The following ARHGAP23 variants were observed in gnomAD, a reference collection of about 807,000 sequenced individuals.
ARHGAP23 encodes the protein Rho GTPase activating protein 23.
A neutral mutation model predicts 136.3 loss-of-function variants in ARHGAP23; 34 were observed. The ratio of observed to expected loss-of-function variants is 0.25; its 90% CI spans 0.19 to 0.33. The LOEUF (loss-of-function observed/expected upper bound fraction) is 0.33, where lower values mean the gene tolerates loss of function less well. ARHGAP23 is among the 10% of genes least tolerant of loss of function. ARHGAP23 has a pLI of 1.00. For synonymous variants in ARHGAP23, 832 were observed against 920.5 expected, an observed-to-expected ratio of 0.90 and a Z score of 1.74; for missense variants, 1,808 against 2,139.0, an observed-to-expected ratio of 0.85 and a Z score of 3.05.
At position 38,510,281 on chromosome 17, in the gene ARHGAP23, CG is replaced by C; in HGVS notation, c.3788del (p.Gly1263AlafsTer20). The stretch of plus-strand genomic sequence containing the variant: ...TCCACCATGGACCGCAGCGTGTGCT[CG>C]GGCGCTAGCGGTCGGCGGGCAGGGG... ...TLSTMDRSVC[S>X]GASGRRAGAG... On this transcript the variant is annotated frameshift_variant, in exon 24 of 24. Coordinates refer to ENST00000622683, the MANE Select transcript of ARHGAP23 (RefSeq NM_001199417.2). LOFTEE classifies it high-confidence loss of function. This position sits in a 1 kb window ranked among gnomAD's most constrained non-coding sequence, Gnocchi z 4.6. The C allele has an allele frequency of 5.4e-6, 7 of 1,287,080 alleles. No individual in the cohort carries two copies. The highest frequency in any genetic ancestry group is 6.9e-6 in the Non-Finnish European group (7 of 1,017,422). The allele number at this position is 1,287,080 out of a possible 1,614,324, so 79.7% of individuals were successfully genotyped here.
chr17:38,463,464 T>G (rs967899841), intron 6 of ARHGAP23, 82 bp downstream of exon 6: 19 of 1,496,162 alleles, frequency 1.3e-5, no homozygotes, highest in Non-Finnish European at 1.5e-5. Flanking sequence ...GAGAAGGAAG[T>G]GTTTGGAGGG....
At position 38,510,681 on chromosome 17, in the gene ARHGAP23, G is replaced by C; in HGVS notation, c.4185G>C (p.Glu1395Asp). The change falls in exon 24 of 24, where the codon GAG (glutamate) becomes GAC (aspartate). Residue 1395 changes from glutamate to aspartate, a missense_variant. By Grantham distance (45) the Glu-to-Asp change is conservative. This residue lies in a region of ARHGAP23 where 506 missense variants were observed against 455.8 expected (regional missense o/e 1.11). Transcript: ENST00000622683. This position sits in a 1 kb window ranked among gnomAD's most constrained non-coding sequence, Gnocchi z 4.6. ...AVRLRRPLSPETRRRRSSWRR... is the reference protein window; with the variant it reads ...AVRLRRPLSPDTRRRRSSWRR... ...GCCTGCGGCGGCCGCTGTCGCCCGA[G>C]ACCCGGCGGCGCCGGAGCAGCTGGC... The C allele has an allele frequency of 2.8e-6, 4 of 1,411,992 alleles. No individual in the cohort carries two copies. The highest frequency in any genetic ancestry group is 3.7e-6 in the Non-Finnish European group (4 of 1,091,532). 87.5% of individuals were successfully genotyped at this position (1,411,992 alleles called of 1,614,324 possible). A position where few individuals can be genotyped will look rare whatever the true frequency, so the allele number is the denominator to read the frequency against.
Position 38,467,322 on chromosome 17 carries a change from C to A in ARHGAP23, c.1639C>A (p.Pro547Thr). The change falls in exon 7 of 24, where the codon CCC (proline) becomes ACC (threonine). Residue 547 changes from proline to threonine, a missense_variant. This residue lies in a region of ARHGAP23 where 859 missense variants were observed against 936.4 expected (regional missense o/e 0.92). Transcript: ENST00000622683. ...CACCGAAGACTCTCTGGCTTCCATC[C>A]CCTTTATTGGTGAGTGATGGTACAT... ...ATTEDSLASIPFIDEPTSPSI... is the reference protein window; with the variant it reads ...ATTEDSLASITFIDEPTSPSI... 6.8e-7 allele frequency: 1 copy of A among 1,479,352 alleles called. No individual in the cohort carries two copies. The allele number at this position is 1,479,352 out of a possible 1,614,324, so 91.6% of individuals were successfully genotyped here.
In ARHGAP23 at chr17:38,440,021, C is replaced by T. The variant is rs548944733; in HGVS notation, c.63+11473C>T. On this transcript the variant is annotated intron_variant, in intron 1 of 23. Transcript: ENST00000622683. ...GGGATTACAGGCTTGAGCTACCGAG[C>T]CCAGTCGGAACTTTTTTTTTTAGAC... Among the ~76,000 whole-genome samples the T allele has an allele frequency of 2.0e-5, 3 of 149,052 alleles. No individual in the cohort carries two copies. The East Asian group carries it at 6.0e-4, about 30-fold the overall frequency.
chr17:38,448,621 C>T (rs71384231), intron 1 of ARHGAP23, among the ~76,000 whole-genome samples: 4 of 150,514 alleles, frequency 2.7e-5, no homozygotes, highest in Admixed American at 2.7e-4. Flanking sequence ...AGCTGTGCTG[C>T]CACTGAAAGA....
At chr17:38,462,109 C>T (rs1486556853) in intron 3 of ARHGAP23, among the ~76,000 whole-genome samples, 4 of 151,920 alleles carry the variant, frequency 2.6e-5, no homozygotes, top group South Asian at 2.1e-4. Context: ...CCCGCCACCG[C>T]GCCCGGCTAA....
chr17:38,433,408 C>G (rs1217479841), intron 1 of ARHGAP23, among the ~76,000 whole-genome samples: 1 of 152,168 alleles, frequency 6.6e-6, no homozygotes, highest in Non-Finnish European at 1.5e-5. Context: ...GAACAATGCA[C>G]TTTTGCCTCA....
rs1488254129 is a variant in ARHGAP23 at position 38,463,395 on chromosome 17, C to T, written c.483+13C>T. On this transcript the variant is annotated intron_variant, in intron 6 of 23. Transcript: ENST00000622683. ...CATCCTCCAGCTGGTGAGTCCAGCC[C>T]CTGTGGCCTGAGAGGAGACCCCTGA... 5 of 1,551,538 alleles carry T rather than the reference C, an allele frequency of 3.2e-6. No homozygotes were observed. Among genetic ancestry groups the T allele is most frequent in the African/African-American group, 1.4e-5 (1 of 73,038 alleles).
At chr17:38,465,711 G>C (rs1031223465) in intron 6 of ARHGAP23, among the ~76,000 whole-genome samples, 3 of 152,074 alleles carry the variant, frequency 2.0e-5, no homozygotes, top group Admixed American at 1.3e-4. Context: ...GCTGGGCTCT[G>C]CCAGCCTCTG....
intron 6 of ARHGAP23, 29 bp downstream of exon 6, chr17:38,463,411 A>G: frequency 6.4e-7 from 1 of 1,551,448 alleles, no homozygotes; most frequent in Non-Finnish European, 8.7e-7. Context: ...GCCTGAGAGG[A>G]GACCCCTGAG....
chr17:38,467,209 T>C lies in ARHGAP23; in HGVS notation c.1526T>C (p.Met509Thr). ...GTTCAGCTGACCCCCGCAAGACAGA[T>C]GAACCTTGGATTTGGTGACGAGTCC... is the stretch of plus-strand genomic sequence containing the variant. The part of the protein sequence containing the change: ...RKVQLTPARQ[M>T]NLGFGDESPE... The change falls in exon 7 of 24, where the codon ATG (methionine) becomes ACG (threonine). Residue 509 changes from methionine to threonine, a missense_variant. Met to Thr is a moderately conservative substitution (Grantham distance 81). Around this residue, in one of 7 missense-constraint regions of ARHGAP23, gnomAD observed 859 missense variants for 936.4 expected, o/e 0.92. Transcript: ENST00000622683. 6.4e-7 allele frequency: 1 copy of C among 1,551,006 alleles called. No individual in the cohort carries two copies. The highest frequency in any genetic ancestry group is 8.7e-7 in the Non-Finnish European group (1 of 1,146,736).
chr17:38,493,696 C>A (rs560398729), intron 20 of ARHGAP23, among the ~76,000 whole-genome samples: 21 of 152,334 alleles, frequency 1.4e-4, no homozygotes, highest in African/African-American at 4.6e-4. Context: ...CAGGGCAGTG[C>A]TGCTGTCACT....
chr17:38,439,570 C>T (rs568724625), intron 1 of ARHGAP23, among the ~76,000 whole-genome samples: 239 of 152,302 alleles, frequency 1.6e-3, no homozygotes, highest in Non-Finnish European at 3.1e-3. Flanking sequence ...GTATTGCGGG[C>T]CTCAGGGCCA....
At chr17:38,461,024 T>TCTGTGCCCC in intron 3 of ARHGAP23, 92 bp downstream of exon 3, 1 of 1,488,756 alleles carries the variant, frequency 6.7e-7, no homozygotes, top group Non-Finnish European at 8.9e-7. Context: ...CCTGTCCTTT[T>TCTGTGCCCC]CTGTGCCCCC....
Position 38,466,455 on chromosome 17 carries a change from C to A in ARHGAP23, c.772C>A (p.Pro258Thr). ...SQPRPSPGAF[P>T]HLSSEPRTPR... Reference sequence around the variant, plus strand: ...GCCCCGCCCCAGCCCTGGTGCCTTCCCCCACCTCTCCTCGGAGCCCCGGAC... The same window carrying A: ...GCCCCGCCCCAGCCCTGGTGCCTTCACCCACCTCTCCTCGGAGCCCCGGAC... Residue 258 changes from proline (P) to threonine (T), a missense_variant, in exon 7 of 24, where the codon CCC (proline) becomes ACC (threonine). Physicochemically the swap from Pro to Thr is conservative, Grantham distance 38 (BLOSUM62 -1). Around this residue, in one of 7 missense-constraint regions of ARHGAP23, gnomAD observed 859 missense variants for 936.4 expected, o/e 0.92. Transcript: ENST00000622683. 2 of 1,523,364 alleles carry A rather than the reference C, an allele frequency of 1.3e-6. No homozygotes were observed. Among genetic ancestry groups the A allele is most frequent in the South Asian group, 2.4e-5 (2 of 82,214 alleles). 94.4% of individuals were successfully genotyped at this position (1,523,364 alleles called of 1,614,324 possible).
rs997418779 is a variant in ARHGAP23, at chr17:38,490,567, G to T, written c.3150+16G>T. 1.3e-6 allele frequency: 2 copies of T among 1,506,316 alleles called. No homozygotes were observed. Among genetic ancestry groups the T allele is most frequent in the African/African-American group, 1.4e-5 (1 of 72,076 alleles). 93.3% of individuals were successfully genotyped at this position (1,506,316 alleles called of 1,614,324 possible). On this transcript the variant is annotated intron_variant, in intron 19 of 23. Transcript: ENST00000622683. Reference sequence around the variant, plus strand: ...GAAAAACAAGGTGGGTAGGAGTCCCGCATGGAGTCTGGGGGAGGCAAGCAC... The same window carrying T: ...GAAAAACAAGGTGGGTAGGAGTCCCTCATGGAGTCTGGGGGAGGCAAGCAC...
chr17:38,421,685 C>T (rs943887111), intron 1 of ARHGAP23, among the ~76,000 whole-genome samples: 1 of 152,198 alleles, frequency 6.6e-6, no homozygotes, highest in Non-Finnish European at 1.5e-5. Context: ...GGGTGAGTGC[C>T]AGGACTGAGG....
rs139292192 is a variant in ARHGAP23, at chr17:38,432,549, C to T, written c.63+4001C>T. ...ACAAAATTAGCTGGGTGAAGTGACA[C>T]ACACCTGTAGTCCCAGCTACTTGGG... On this transcript the variant is annotated intron_variant, in intron 1 of 23. Coordinates refer to ENST00000622683, the MANE Select transcript of ARHGAP23 (RefSeq NM_001199417.2). Among the ~76,000 whole-genome samples, 58 of 152,228 alleles carry T rather than the reference C, an allele frequency of 3.8e-4. No homozygotes were observed. In the East Asian group the frequency reaches 0.011, roughly 28 times the overall value.
At chr17:38,421,726 T>C (rs995858888) in intron 1 of ARHGAP23, among the ~76,000 whole-genome samples, 14 of 152,178 alleles carry the variant, frequency 9.2e-5, no homozygotes. Flanking sequence ...GTCCCGCCCC[T>C]CTTTTCTCCT....
Sources: gnomAD v4.1 joint callset for allele counts (sites outside exome capture counted in the v4.1 genomes callset) on GRCh38, gnomAD v4.1.1 for gene constraint, gnomAD v4.1.1 regional missense constraint, Gnocchi (gnomAD v3.1) non-coding constraint, MANE v1.5 for transcripts, NCBI Gene and HGNC (gene_info 2026-07-23, HGNC 2026-07-21) for gene names.